The following ZFPM2 variants were observed in gnomAD, a reference collection of about 807,000 sequenced individuals.
The protein encoded by ZFPM2 is zinc finger protein ZFPM2.
ZFPM2 carries 20 observed loss-of-function variants against 98.6 expected under a neutral mutation model. The ratio of observed to expected loss-of-function variants is 0.20; its 90% CI spans 0.14 to 0.29. The LOEUF (loss-of-function observed/expected upper bound fraction) is 0.29, where lower values mean the gene tolerates loss of function less well. ZFPM2 is among the 10% of genes least tolerant of loss of function. The pLI is 1.00. For missense variants in ZFPM2, 1,310 were observed against 1,388.6 expected, an observed-to-expected ratio of 0.94 and a Z score of 0.90; for synonymous variants, 518 against 502.7, an observed-to-expected ratio of 1.03 and a Z score of -0.41.
intron 5 of ZFPM2, among the ~76,000 whole-genome samples, chr8:105,720,621 G>A (rs571384017): frequency 2.6e-5 from 4 of 151,898 alleles, no homozygotes; most frequent in South Asian, 4.2e-4. Context: ...GAACATCTCT[G>A]TCGTGCCAAT....
chr8:105,650,622 A>T (rs1241488844), intron 5 of ZFPM2, among the ~76,000 whole-genome samples: 1 of 152,078 alleles, frequency 6.6e-6, no homozygotes, highest in Admixed American at 6.5e-5. Flanking sequence ...TTCTGCCTTC[A>T]TTTTGTTATG....
At chr8:105,695,167 T>C (rs898550953) in intron 5 of ZFPM2, among the ~76,000 whole-genome samples, 2 of 152,134 alleles carry the variant, frequency 1.3e-5, no homozygotes, top group African/African-American at 4.8e-5. Flanking sequence ...AATATGATAG[T>C]ATTTTTAAGA....
rs35365518 is a variant in ZFPM2 at position 105,441,434 on chromosome 8, AAGAGAG to A, written c.200-2830_200-2825del. On this transcript the variant is annotated intron_variant, in intron 2 of 7. Transcript: ENST00000407775. ...CTCAACAAAAAAAAAGAAAGAAAGA[AAGAGAG>A]AGAGAGAGAGAGAGAAAGAAAGAAA... Among the ~76,000 whole-genome samples, 3 of 94,994 alleles carry A rather than the reference AAGAGAG, an allele frequency of 3.2e-5. 1 individual carries two copies. Among genetic ancestry groups the A allele is most frequent in the Non-Finnish European group, 5.7e-5 (3 of 52,936 alleles). 62.3% of individuals were successfully genotyped at this position (94,994 alleles called of 152,430 possible). A position where few individuals can be genotyped will look rare whatever the true frequency, so the allele number is the denominator to read the frequency against.
At chr8:105,537,230 T>TG (rs1814471600) in intron 3 of ZFPM2, among the ~76,000 whole-genome samples, 1 of 152,164 alleles carries the variant, frequency 6.6e-6, no homozygotes, top group African/African-American at 2.4e-5. Flanking sequence ...GAAGTATTAG[T>TG]TACCAATTCT....
At chr8:105,321,403 T>C (rs1270310827) in intron 1 of ZFPM2, among the ~76,000 whole-genome samples, 1 of 152,218 alleles carries the variant, frequency 6.6e-6, no homozygotes, top group Non-Finnish European at 1.5e-5. Flanking sequence ...AAAGCTATGC[T>C]CTGTGAAACA....
intron 1 of ZFPM2, among the ~76,000 whole-genome samples, chr8:105,369,854 AAT>A (rs1310975461): frequency 2.6e-5 from 4 of 152,110 alleles, no homozygotes; most frequent in African/African-American, 9.7e-5. Flanking sequence ...AAGAGCTTAT[AAT>A]GTTAGAAAAT....
chr8:105,453,517 G>A (rs1268987069), intron 3 of ZFPM2, among the ~76,000 whole-genome samples: 3 of 152,166 alleles, frequency 2.0e-5, no homozygotes, highest in Non-Finnish European at 2.9e-5. Context: ...TCAAAGAAGA[G>A]GGAAGAGTAC....
intron 1 of ZFPM2, among the ~76,000 whole-genome samples, chr8:105,388,354 A>T (rs1414636889): frequency 6.6e-6 from 1 of 152,150 alleles, no homozygotes; most frequent in Non-Finnish European, 1.5e-5. Flanking sequence ...GGGGAGGGAG[A>T]GAGAAAGAGG....
intron 5 of ZFPM2, among the ~76,000 whole-genome samples, chr8:105,670,891 A>G (rs958144044): frequency 1.3e-5 from 2 of 152,318 alleles, no homozygotes; most frequent in African/African-American, 4.8e-5. Flanking sequence ...CAGTATTGGC[A>G]GTAGATTAGA....
In ZFPM2 at chr8:105,801,694, G is replaced by A. The variant is rs575054307; in HGVS notation, c.1612G>A (p.Val538Ile). 2.0e-4 allele frequency: 319 copies of A among 1,613,558 alleles called. No homozygotes were observed. Among genetic ancestry groups the A allele is most frequent in the South Asian group, 1.3e-3 (114 of 91,068 alleles). Reference protein sequence around the residue: ...LRHGSSSYPPVIYSPLMPKGA... With the variant: ...LRHGSSSYPPIIYSPLMPKGA... ...GCATGGCAGTAGTAGCTACCCTCCC[G>A]TCATTTACAGCCCTTTGATGCCCAA... Residue 538 changes from valine to isoleucine, a missense_variant, in exon 8 of 8, where the codon GTC (valine) becomes ATC (isoleucine). Coordinates refer to ENST00000407775, the MANE Select transcript of ZFPM2 (RefSeq NM_012082.4).
At chr8:105,435,752 CT>C (rs1214618248) in intron 2 of ZFPM2, among the ~76,000 whole-genome samples, 1 of 151,760 alleles carries the variant, frequency 6.6e-6, no homozygotes, top group Non-Finnish European at 1.5e-5. Flanking sequence ...GTATTTATAA[CT>C]TTTTCATGAG....
chr8:105,671,147 T>A (rs1003439501), intron 5 of ZFPM2, among the ~76,000 whole-genome samples: 8 of 152,028 alleles, frequency 5.3e-5, no homozygotes, highest in African/African-American at 1.7e-4. Context: ...TAAATATTTT[T>A]AAAAATCTTG....
At chr8:105,336,961 T>C (rs1401895636) in intron 1 of ZFPM2, among the ~76,000 whole-genome samples, 1 of 151,804 alleles carries the variant, frequency 6.6e-6, no homozygotes, top group Non-Finnish European at 1.5e-5. Flanking sequence ...AGTTGTTGTA[T>C]TTTTCCAGAC....
At chr8:105,514,864 TAA>T (rs1813888626) in intron 3 of ZFPM2, among the ~76,000 whole-genome samples, 1 of 152,216 alleles carries the variant, frequency 6.6e-6, no homozygotes, top group South Asian at 2.1e-4. Context: ...GCAGTGAACT[TAA>T]TATCGAGCCT....
chr8:105,322,966 A>G (rs1191898714), intron 1 of ZFPM2, among the ~76,000 whole-genome samples: 1 of 151,928 alleles, frequency 6.6e-6, no homozygotes, highest in Non-Finnish European at 1.5e-5. Flanking sequence ...GTTATAGTCA[A>G]TATTTTATGC....
chr8:105,723,040 A>G (rs1476702278), intron 5 of ZFPM2, among the ~76,000 whole-genome samples: 1 of 151,840 alleles, frequency 6.6e-6, no homozygotes, highest in Non-Finnish European at 1.5e-5. Flanking sequence ...ATCGTCTGGC[A>G]TTGGCTCAGA....
chr8:105,408,933 A>G (rs1016713611), intron 1 of ZFPM2, among the ~76,000 whole-genome samples: 3 of 151,932 alleles, frequency 2.0e-5, no homozygotes, highest in African/African-American at 7.2e-5. Context: ...GTTAACAATG[A>G]AGGCTGGCTA....
At chr8:105,423,431 C>T (rs771154856) in intron 2 of ZFPM2, among the ~76,000 whole-genome samples, 3 of 152,114 alleles carry the variant, frequency 2.0e-5, no homozygotes, top group Non-Finnish European at 2.9e-5. Context: ...AGATTTTAAA[C>T]ATTTTAACAA....
At chr8:105,367,984 C>A (rs1810541436) in intron 1 of ZFPM2, among the ~76,000 whole-genome samples, 1 of 48,352 alleles carries the variant, frequency 2.1e-5, no homozygotes. Flanking sequence ...TTTAGATAAT[C>A]ATGTGGTTTT....
Sources: gnomAD v4.1 joint callset for allele counts (sites outside exome capture counted in the v4.1 genomes callset) on GRCh38, gnomAD v4.1.1 for gene constraint, MANE v1.5 for transcripts, NCBI Gene and HGNC (gene_info 2026-07-23, HGNC 2026-07-21) for gene names.